The following HECTD4 variants were observed in gnomAD, a reference collection of about 807,000 sequenced individuals.
HECTD4 encodes the protein probable E3 ubiquitin-protein ligase HECTD4.
A neutral mutation model predicts 471.5 loss-of-function variants in HECTD4; 114 were observed. The ratio of observed to expected loss-of-function variants is 0.24; its 90% CI spans 0.21 to 0.28. The LOEUF (loss-of-function observed/expected upper bound fraction) is 0.28. HECTD4 is among the 10% of genes least tolerant of loss of function. The pLI, the probability that HECTD4 is intolerant of heterozygous loss-of-function variation, is 1.00. For missense variants in HECTD4, 3,866 were observed against 5,651.5 expected (o/e 0.68, Z 10.13); for synonymous variants, 2,012 against 2,256.0 (o/e 0.89, Z 3.07).
In HECTD4 at chr12:112,319,823, T is replaced by C. The variant is rs2135700102; in HGVS notation, c.178-81A>G. On this transcript the variant is annotated intron_variant, in intron 1 of 75. Transcript: ENST00000682272. This position sits in a 1 kb window ranked among gnomAD's most constrained non-coding sequence, Gnocchi z 5.3. ...AAGGAAGAAAATATGTTTAATGATA[T>C]CCCAAAATAGTCAACGCCAAAAATT... The C allele has an allele frequency of 9.4e-7, 1 of 1,063,556 alleles. No homozygotes were observed. Among genetic ancestry groups the C allele is most frequent in the Non-Finnish European group, 1.2e-6 (1 of 833,154 alleles). 65.9% of individuals were successfully genotyped at this position (1,063,556 alleles called of 1,614,324 possible).
At chr12:112,286,696 C>T (rs1025238052) in intron 7 of HECTD4, among the ~76,000 whole-genome samples, 2 of 151,956 alleles carry the variant, frequency 1.3e-5, no homozygotes, top group African/African-American at 2.4e-5. Flanking sequence ...TGTCCCACCC[C>T]GCCCCACCAA....
Position 112,229,853 on chromosome 12 carries a change from G to A in HECTD4, c.6364C>T (p.Pro2122Ser). 1 of 1,613,952 alleles carries A rather than the reference G, an allele frequency of 6.2e-7. No individual in the cohort carries two copies. Among genetic ancestry groups the A allele is most frequent in the Non-Finnish European group, 8.5e-7 (1 of 1,179,868 alleles). Reference sequence around the variant, plus strand: ...CTTTCTGCGTATTTCCCCAATTGTGGAATGTACATCAGTGCTCTAGACAGA... The same window carrying A: ...CTTTCTGCGTATTTCCCCAATTGTGAAATGTACATCAGTGCTCTAGACAGA... The part of the protein sequence containing the change: ...KVLSRALMYI[P>S]QLGKYAESIL... Residue 2122 changes from proline to serine, a missense_variant, in exon 41 of 76, where the codon CCA becomes TCA. Physicochemically the swap from Pro to Ser is moderately conservative, Grantham distance 74. Around this residue, in one of 16 missense-constraint regions of HECTD4, gnomAD observed 617 missense variants for 915.1 expected, o/e 0.67. Coordinates refer to ENST00000682272, the MANE Select transcript of HECTD4 (RefSeq NM_001388303.1).
intron 2 of HECTD4, among the ~76,000 whole-genome samples, chr12:112,317,192 T>C (rs1178109588): frequency 1.3e-5 from 2 of 152,232 alleles, no homozygotes; most frequent in Non-Finnish European, 2.9e-5. Context: ...ATCAATCCAA[T>C]ATAAAGCCTT....
rs2031128724 is a variant in HECTD4, at chr12:112,169,548, A to G, written c.12163T>C (p.Tyr4055His). 2 of 1,613,334 alleles carry G rather than the reference A, an allele frequency of 1.2e-6. No individual in the cohort carries two copies. Among genetic ancestry groups the G allele is most frequent in the South Asian group, 1.1e-5 (1 of 91,090 alleles). The change falls in exon 70 of 76, where the codon TAT becomes CAT. Residue 4055 changes from tyrosine (Y) to histidine (H), a missense_variant. Tyr to His is a moderately conservative substitution (Grantham distance 83). Around this residue, in one of 16 missense-constraint regions of HECTD4, gnomAD observed 715 missense variants for 1,087.6 expected, o/e 0.66. Transcript: ENST00000682272. The part of the protein sequence containing the change: ...VKLASGGDPT[Y>H]AFNIRFTGEE... ...CCAGTGAAGCGGATGTTGAAGGCAT[A>G]TGTGGGGTCACCGCCACTGGCCAGC... is the stretch of plus-strand genomic sequence containing the variant.
In HECTD4 at chr12:112,193,736, T is replaced by G; in HGVS notation, c.8750-62A>C. 1 of 1,457,356 alleles carries G rather than the reference T, an allele frequency of 6.9e-7. No individual in the cohort carries two copies. Among genetic ancestry groups the G allele is most frequent in the Non-Finnish European group, 9.4e-7 (1 of 1,059,874 alleles). The allele number at this position is 1,457,356 out of a possible 1,614,324, so 90.3% of individuals were successfully genotyped here. ...AAAGCAGCCAGTAGCTGTGAGAGTC[T>G]AAGTAACAGAAAATGAATAACCCAT... is the stretch of plus-strand genomic sequence containing the variant. On this transcript the variant is annotated intron_variant, in intron 56 of 75. Transcript: ENST00000682272. This position sits in a 1 kb window ranked among gnomAD's most constrained non-coding sequence, Gnocchi z 5.2.
At position 112,229,839 on chromosome 12, in the gene HECTD4, T is replaced by C. The variant is rs1195967385; in HGVS notation, c.6378A>G (p.Lys2126=). 1 of 1,614,030 alleles carries C rather than the reference T, an allele frequency of 6.2e-7. No individual in the cohort carries two copies. ...CATTTTCCAGAATGCTTTCTGCGTA[T>C]TTCCCCAATTGTGGAATGTACATCA... is the stretch of plus-strand genomic sequence containing the variant. ...RALMYIPQLG[K]YAESILENGS... is the part of the protein sequence containing the mutation. Residue 2126 remains lysine, a synonymous_variant, in exon 41 of 76, where the codon AAA becomes AAG. Coordinates refer to ENST00000682272, the MANE Select transcript of HECTD4 (RefSeq NM_001388303.1).
chr12:112,232,289 T>C (rs1985679), intron 38 of HECTD4, among the ~76,000 whole-genome samples: 32,237 of 152,046 alleles, frequency 0.21, 5,514 homozygotes, highest in East Asian at 0.85. Flanking sequence ...TGCCACCACG[T>C]CTGGCTAATT....
chr12:112,340,907 T>C (rs1237208065), intron 1 of HECTD4, among the ~76,000 whole-genome samples: 1 of 152,234 alleles, frequency 6.6e-6, no homozygotes, highest in Non-Finnish European at 1.5e-5. Flanking sequence ...CATTAATTCA[T>C]CTTTATACCT....
At chr12:112,325,499 C>T (rs144188837) in intron 1 of HECTD4, among the ~76,000 whole-genome samples, 6 of 152,244 alleles carry the variant, frequency 3.9e-5, no homozygotes, top group Admixed American at 2.0e-4. Context: ...AGACATCATA[C>T]CTTTGGGTTT....
At chr12:112,294,910 C>T (rs749082825) in intron 7 of HECTD4, among the ~76,000 whole-genome samples, 1 of 151,956 alleles carries the variant, frequency 6.6e-6, no homozygotes, top group Non-Finnish European at 1.5e-5. Flanking sequence ...AGTTGCCTTC[C>T]CCGGGGAAAC....
intron 7 of HECTD4, among the ~76,000 whole-genome samples, chr12:112,290,090 G>A (rs896899593): frequency 6.6e-6 from 1 of 152,120 alleles, no homozygotes; most frequent in African/African-American, 2.4e-5. Flanking sequence ...AGAGGCCGAG[G>A]CTGGTAGATT....
chr12:112,207,116 GTGTATGTA>G lies in HECTD4; in HGVS notation c.8131+750_8131+757del, dbSNP rs149725381. Among the ~76,000 whole-genome samples the G allele has an allele frequency of 4.9e-3, 716 of 147,430 alleles. 4 individuals are homozygous for G. Among genetic ancestry groups the G allele is most frequent in the African/African-American group, 0.016 (606 of 38,424 alleles). The stretch of plus-strand genomic sequence containing the variant: ...TGTTTGTTTATGTATATGTGTGTGT[GTGTATGTA>G]TGTATGTATGTATGTATGTATGTAT... On this transcript the variant is annotated intron_variant, in intron 52 of 75. Transcript: ENST00000682272.
intron 34 of HECTD4, 131 bp downstream of exon 34, chr12:112,238,921 C>T: frequency 3.7e-6 from 3 of 821,882 alleles, no homozygotes; most frequent in Non-Finnish European, 5.5e-6. Flanking sequence ...TGAAATCATC[C>T]ACTGATTTAA....
chr12:112,174,498 C>G (rs987539558), intron 66 of HECTD4, among the ~76,000 whole-genome samples: 3 of 152,014 alleles, frequency 2.0e-5, no homozygotes, highest in Non-Finnish European at 4.4e-5. Context: ...AGGTGATCCA[C>G]CCGCCTCAGC....
rs371830252 is a variant in HECTD4 at position 112,179,150 on chromosome 12, G to T, written c.11211+24C>A. The T allele has an allele frequency of 6.2e-6, 10 of 1,613,408 alleles. No homozygotes were observed. The highest frequency in any genetic ancestry group is 8.5e-6 in the Non-Finnish European group (10 of 1,179,682). ...TGCAGGGCACCCAAGGCCCGGCCTGGGTATGGTGGGGACGGGCAGCTACCT... is the reference window on the plus strand; with the variant it reads ...TGCAGGGCACCCAAGGCCCGGCCTGTGTATGGTGGGGACGGGCAGCTACCT... On this transcript the variant is annotated intron_variant, in intron 63 of 75. Coordinates refer to ENST00000682272, the MANE Select transcript of HECTD4 (RefSeq NM_001388303.1). The surrounding 1 kb of genome is among the most constrained non-coding windows in gnomAD (Gnocchi z 4.3).
chr12:112,259,055 A>G (rs1476960730), intron 19 of HECTD4, 57 bp downstream of exon 19: 91 of 1,482,442 alleles, frequency 6.1e-5, no homozygotes, highest in Non-Finnish European at 8.0e-5. Context: ...GCAAACAGCC[A>G]TCCTGTGAAG....
chr12:112,274,686 G>A (rs1593999260), intron 10 of HECTD4, among the ~76,000 whole-genome samples, 161 bp downstream of exon 10: 2 of 151,976 alleles, frequency 1.3e-5, no homozygotes, highest in Admixed American at 6.6e-5. Flanking sequence ...CAGCCTAGGT[G>A]ACAGAAGAGA....
chr12:112,371,117 G>C (rs1173160961), intron 1 of HECTD4, among the ~76,000 whole-genome samples: 1 of 152,184 alleles, frequency 6.6e-6, no homozygotes, highest in Non-Finnish European at 1.5e-5. Flanking sequence ...AGCAGCTCGA[G>C]CCAACAGGTA....
intron 62 of HECTD4, among the ~76,000 whole-genome samples, chr12:112,180,770 T>C (rs1180046581): frequency 3.3e-5 from 5 of 151,928 alleles, no homozygotes; most frequent in East Asian, 1.9e-4. Flanking sequence ...GACATCGACT[T>C]TGGGGGCAGC....
Sources: allele counts gnomAD v4.1 joint callset (sites outside exome capture counted in the v4.1 genomes callset), GRCh38; gene constraint gnomAD v4.1.1; regional missense constraint gnomAD v4.1.1; non-coding constraint Gnocchi (gnomAD v3.1); transcripts MANE v1.5; gene names NCBI Gene and HGNC (gene_info 2026-07-23, HGNC 2026-07-21).